The following TRPC6 variants were observed in gnomAD, a reference collection of about 807,000 sequenced individuals.
TRPC6 encodes short transient receptor potential channel 6.
In TRPC6, 55 loss-of-function variants were observed where a neutral mutation model predicts 90.7. That is an observed-to-expected ratio of 0.61 (90% CI 0.49 to 0.76). The LOEUF (loss-of-function observed/expected upper bound fraction) is 0.76, where lower values mean the gene tolerates loss of function less well. Ranked by LOEUF, TRPC6 falls within the 30% of genes least tolerant of loss-of-function variation. The probability of loss-of-function intolerance (pLI) is 0.00; values close to 1 mark genes in which losing one functional copy is unlikely to be tolerated. For synonymous variants in TRPC6, 393 were observed against 393.0 expected (o/e 1.00, Z 0.00); for missense variants, 989 against 1,122.7 (o/e 0.88, Z 1.70).
intron 9 of TRPC6, 151 bp from the exon 10 acceptor site, chr11:101,469,652 T>C (rs142236437): frequency 8.8e-5 from 51 of 577,000 alleles, no homozygotes; most frequent in African/African-American, 7.7e-4. Context: ...AGTGCTTGCT[T>C]AGACATTTCC....
intron 1 of TRPC6, among the ~76,000 whole-genome samples, chr11:101,573,350 T>C (rs1176434293): frequency 2.0e-5 from 3 of 152,084 alleles, no homozygotes; most frequent in Non-Finnish European, 4.4e-5. Flanking sequence ...AACAAAACAG[T>C]CAAATATGAA....
At chr11:101,523,220 AC>A (rs1206895199) in intron 1 of TRPC6, among the ~76,000 whole-genome samples, 1 of 152,188 alleles carries the variant, frequency 6.6e-6, no homozygotes, top group Non-Finnish European at 1.5e-5. Context: ...TTTTAGACCA[AC>A]CTGTGGCTGT....
At position 101,452,777 on chromosome 11, in the gene TRPC6, C is replaced by A. The variant is rs1293136986; in HGVS notation, c.*178G>T. On this transcript the variant is annotated 3_prime_UTR_variant, in exon 13 of 13. Coordinates refer to ENST00000344327, the MANE Select transcript of TRPC6 (RefSeq NM_004621.6). ...CATTATCTACAGCCTTTACCCTGAA[C>A]AATGGAGTTTAATCACCAAAAAAAT... The A allele has an allele frequency of 3.0e-6, 2 of 656,580 alleles. No individual in the cohort carries two copies. Among genetic ancestry groups the A allele is most frequent in the Non-Finnish European group, 5.2e-6 (2 of 385,464 alleles). The allele number at this position is 656,580 out of a possible 1,614,324, so 40.7% of individuals were successfully genotyped here.
chr11:101,499,597 C>CATT (rs1565218434), intron 2 of TRPC6, among the ~76,000 whole-genome samples: 1 of 44,140 alleles, frequency 2.3e-5, no homozygotes, highest in African/African-American at 1.3e-4. Context: ...TATATATATA[C>CATT]GTATATATGG....
intron 1 of TRPC6, among the ~76,000 whole-genome samples, chr11:101,568,949 C>T (rs1861894662): frequency 6.6e-6 from 1 of 152,036 alleles, no homozygotes; most frequent in Non-Finnish European, 1.5e-5. Flanking sequence ...GAAGAAACTG[C>T]AACTAATGGG....
intron 1 of TRPC6, among the ~76,000 whole-genome samples, chr11:101,581,875 T>G (rs953709561): frequency 6.6e-6 from 1 of 152,202 alleles, no homozygotes; most frequent in African/African-American, 2.4e-5. Flanking sequence ...TCTAACAAGA[T>G]TTCCACATGA....
chr11:101,567,111 T>G (rs1861852634), intron 1 of TRPC6, among the ~76,000 whole-genome samples: 1 of 151,632 alleles, frequency 6.6e-6, no homozygotes, highest in African/African-American at 2.4e-5. Context: ...CAAGCTCAGA[T>G]CCTCAGGCTT....
At position 101,452,741 on chromosome 11, in the gene TRPC6, A is replaced by T. The variant is rs909785720; in HGVS notation, c.*214T>A. The stretch of plus-strand genomic sequence containing the variant: ...TAAAACAAGCACCAAACAACTGGGC[A>T]TAATTTTCCTCATTATCTACAGCCT... On this transcript the variant is annotated 3_prime_UTR_variant, in exon 13 of 13. Coordinates refer to ENST00000344327, the MANE Select transcript of TRPC6 (RefSeq NM_004621.6). The T allele has an allele frequency of 1.4e-5, 8 of 564,912 alleles. No homozygotes were observed. In the African/African-American group the frequency reaches 1.5e-4, roughly 11 times the overall value. The allele number at this position is 564,912 out of a possible 1,614,324, so 35.0% of individuals were successfully genotyped here.
chr11:101,486,030 T>G (rs1859672278), intron 4 of TRPC6, among the ~76,000 whole-genome samples: 1 of 152,128 alleles, frequency 6.6e-6, no homozygotes, highest in Non-Finnish European at 1.5e-5. Context: ...CCAGGCATCT[T>G]CTTCTGCTTA....
Position 101,563,180 on chromosome 11 carries a change from G to A in TRPC6, c.170+20154C>T, listed in dbSNP as rs1861752350. On this transcript the variant is annotated intron_variant, in intron 1 of 12. Transcript: ENST00000344327. ...GGTGGTGGCTACATTGGGCAGAGCA[G>A]ATAATGAACACGTCCACCACTTCAA... 1.3e-5 allele frequency among the ~76,000 whole-genome samples: 2 copies of A among 152,176 alleles called. 1 individual carries two copies. Among genetic ancestry groups the A allele is most frequent in the South Asian group, 4.1e-4 (2 of 4,830 alleles).
intron 1 of TRPC6, among the ~76,000 whole-genome samples, chr11:101,554,665 G>T (rs770852051): frequency 2.6e-5 from 4 of 151,998 alleles, no homozygotes; most frequent in Non-Finnish European, 5.9e-5. Context: ...TTCTTTCCCT[G>T]CATCACCCAA....
chr11:101,478,756 G>A (rs1365539937), intron 5 of TRPC6, among the ~76,000 whole-genome samples: 1 of 152,112 alleles, frequency 6.6e-6, no homozygotes, highest in Non-Finnish European at 1.5e-5. Context: ...AATTCTGAAG[G>A]CTGCTCATTC....
chr11:101,496,104 A>G (rs1376527058), intron 2 of TRPC6, among the ~76,000 whole-genome samples: 1 of 151,482 alleles, frequency 6.6e-6, no homozygotes, highest in Non-Finnish European at 1.5e-5. Flanking sequence ...GAGAGAGTGA[A>G]GGGAGAAGTG....
intron 10 of TRPC6, among the ~76,000 whole-genome samples, chr11:101,456,937 CTT>C (rs1251354701): frequency 6.6e-5 from 10 of 152,032 alleles, no homozygotes; most frequent in African/African-American, 2.2e-4. Flanking sequence ...TCATAAAAAA[CTT>C]AATGATACAG....
At chr11:101,514,788 GT>G (rs1159505856) in intron 1 of TRPC6, among the ~76,000 whole-genome samples, 2 of 152,330 alleles carry the variant, frequency 1.3e-5, no homozygotes, top group East Asian at 3.9e-4. Flanking sequence ...GTTCTGAAGG[GT>G]TTGGAGCTTA....
At chr11:101,485,669 T>C (rs182867340) in intron 4 of TRPC6, among the ~76,000 whole-genome samples, 1 of 152,260 alleles carries the variant, frequency 6.6e-6, no homozygotes, top group Non-Finnish European at 1.5e-5. Flanking sequence ...AAAAAGTTAT[T>C]TATCACCTGC....
intron 1 of TRPC6, among the ~76,000 whole-genome samples, chr11:101,559,635 C>CT (rs11286449): frequency 0.16 from 23,217 of 148,120 alleles, 1,881 homozygotes; most frequent in Middle Eastern, 0.26. Context: ...AATGTCTTTT[C>CT]TTTTTTTTTT....
At chr11:101,503,855 C>T (rs1191107362) in intron 2 of TRPC6, among the ~76,000 whole-genome samples, 169 bp downstream of exon 2, 8 of 152,074 alleles carry the variant, frequency 5.3e-5, no homozygotes, top group Non-Finnish European at 1.0e-4. Context: ...TAAATGGTAG[C>T]GATCACAACT....
intron 1 of TRPC6, among the ~76,000 whole-genome samples, chr11:101,574,591 T>C (rs569390529): frequency 2.6e-5 from 4 of 151,286 alleles, no homozygotes; most frequent in African/African-American, 4.9e-5. Flanking sequence ...TGTCTGGCCC[T>C]GAATGCCCCT....
Sources: allele counts gnomAD v4.1 joint callset (sites outside exome capture counted in the v4.1 genomes callset), GRCh38; gene constraint gnomAD v4.1.1; transcripts MANE v1.5; gene names NCBI Gene and HGNC (gene_info 2026-07-23, HGNC 2026-07-21).